The following BPIFB6 variants were observed in gnomAD, a reference collection of about 807,000 sequenced individuals.
BPIFB6 encodes BPI fold-containing family B member 6.
In BPIFB6, 47 loss-of-function variants were observed where a neutral mutation model predicts 54.7. That is an observed-to-expected ratio of 0.86 (90% confidence interval 0.68 to 1.10). The LOEUF (loss-of-function observed/expected upper bound fraction) is 1.10. BPIFB6 is among the 50% of genes least tolerant of loss of function. The probability of loss-of-function intolerance (pLI) is 0.00; values close to 1 mark genes in which losing one functional copy is unlikely to be tolerated. For synonymous variants in BPIFB6, 255 were observed against 225.9 expected (o/e 1.13, Z -1.16); for missense variants, 603 against 564.1 (o/e 1.07, Z -0.70).
chr20:33,035,946 C>A (rs906335849), intron 6 of BPIFB6, among the ~76,000 whole-genome samples: 10 of 152,130 alleles, frequency 6.6e-5, no homozygotes, highest in Non-Finnish European at 1.2e-4. Context: ...CGTCCACAAG[C>A]CTCGTGCCTA....
chr20:33,034,785 A>G lies in BPIFB6; in HGVS notation c.325A>G (p.Ile109Val), dbSNP rs965455280. The G allele has an allele frequency of 6.2e-7, 1 of 1,611,852 alleles. No homozygotes were observed. The highest frequency in any genetic ancestry group is 8.5e-7 in the Non-Finnish European group (1 of 1,178,360). ...CAGCTTCATGGGAGGGAACATGGAG[A>G]TCATCGTGGCCCTGAACATCACAGC... ...GKSFMGGNME[I>V]IVALNITATN... Residue 109 changes from isoleucine (I) to valine (V), a missense_variant, in exon 4 of 15, where the codon ATC becomes GTC. Coordinates refer to ENST00000349552, the MANE Select transcript of BPIFB6 (RefSeq NM_174897.2).
intron 3 of BPIFB6, 87 bp downstream of exon 3, chr20:33,034,377 T>TA (rs1387349452): frequency 4.2e-5 from 40 of 946,504 alleles, no homozygotes; most frequent in Non-Finnish European, 6.2e-5. Context: ...GCCTACTGTG[T>TA]ACCATCTGAG....
At chr20:33,040,900 T>C (rs1979552099) in intron 11 of BPIFB6, among the ~76,000 whole-genome samples, 1 of 152,184 alleles carries the variant, frequency 6.6e-6, no homozygotes, top group African/African-American at 2.4e-5. Context: ...TTCTTTCCGT[T>C]GCAAGAGAGA....
chr20:33,032,847 G>T, intron 1 of BPIFB6, 137 bp from the exon 2 acceptor site: 1 of 645,780 alleles, frequency 1.5e-6, no homozygotes, highest in Non-Finnish European at 2.8e-6. Flanking sequence ...CCCCCATTAG[G>T]CTGGGGCGCT....
intron 4 of BPIFB6, 83 bp from the exon 5 acceptor site, chr20:33,034,998 T>C: frequency 1.2e-6 from 2 of 1,608,792 alleles, no homozygotes; most frequent in Admixed American, 1.7e-5. Flanking sequence ...GGAACCCCCT[T>C]AACCATGCCC....
intron 12 of BPIFB6, among the ~76,000 whole-genome samples, chr20:33,042,503 A>T (rs2146369342): frequency 6.6e-6 from 1 of 152,342 alleles, no homozygotes; most frequent in Middle Eastern, 3.4e-3. Context: ...TGAGGGACTC[A>T]TCAAAGCTAC....
chr20:33,043,234 AC>A, intron 13 of BPIFB6, 56 bp from the exon 14 acceptor site: 1 of 1,491,952 alleles, frequency 6.7e-7, no homozygotes, highest in Non-Finnish European at 9.4e-7. Context: ...CCAGGCTGCC[AC>A]TCCTTAATCA....
Position 33,041,966 on chromosome 20 carries a change from A to G in BPIFB6, c.1143-4A>G. 3.1e-6 allele frequency: 5 copies of G among 1,613,412 alleles called. No individual in the cohort carries two copies. Among genetic ancestry groups the G allele is most frequent in the Non-Finnish European group, 4.2e-6 (5 of 1,179,792 alleles). ...GCCTGGCTTGCTTCCCCACTCCCCC[A>G]CAGATTACTGAGCTTGTCCCGGAAG... On this transcript the variant is annotated splice_polypyrimidine_tract_variant and splice_region_variant and intron_variant, in intron 11 of 14. Coordinates refer to ENST00000349552, the MANE Select transcript of BPIFB6 (RefSeq NM_174897.2).
At chr20:33,041,883 T>C in intron 11 of BPIFB6, 87 bp from the exon 12 acceptor site, 1 of 1,278,430 alleles carries the variant, frequency 7.8e-7, no homozygotes, top group Admixed American at 1.8e-5. Context: ...GTTGGGGTGC[T>C]TGGGACCCCC....
rs1396516992 is a variant in BPIFB6, at chr20:33,038,918, C to A, written c.856C>A (p.Leu286Met). 3 of 1,613,944 alleles carry A rather than the reference C, an allele frequency of 1.9e-6. No individual in the cohort carries two copies. The African/African-American group carries it at 4.0e-5, about 22-fold the overall frequency. Residue 286 changes from leucine to methionine, a missense_variant, in exon 9 of 15, where the codon CTG becomes ATG. Coordinates refer to ENST00000349552, the MANE Select transcript of BPIFB6 (RefSeq NM_174897.2). The part of the protein sequence containing the change: ...VNIQDTMIGE[L>M]PPQTTKTLAR... Reference sequence around the variant, plus strand: ...GACTTTTATTCTGTAGATTGGTGAGCTGCCCCCACAAACCACCAAGACCCT... The same window carrying A: ...GACTTTTATTCTGTAGATTGGTGAGATGCCCCCACAAACCACCAAGACCCT...
intron 5 of BPIFB6, 26 bp downstream of exon 5, chr20:33,035,170 C>G: frequency 6.2e-7 from 1 of 1,610,582 alleles, no homozygotes; most frequent in Non-Finnish European, 8.5e-7. Context: ...AAAGCCTCCA[C>G]CCCTCGTTGC....
At chr20:33,036,407 G>A (rs1979342741) in intron 6 of BPIFB6, 38 bp from the exon 7 acceptor site, 5 of 1,564,110 alleles carry the variant, frequency 3.2e-6, no homozygotes, top group African/African-American at 1.4e-5. Context: ...TGTTCCTGGG[G>A]TTGGTGCCTC....
rs1157907828 is a variant in BPIFB6, at chr20:33,040,430, G to A, written c.1142+112G>A. On this transcript the variant is annotated intron_variant, in intron 11 of 14. Coordinates refer to ENST00000349552, the MANE Select transcript of BPIFB6 (RefSeq NM_174897.2). Reference sequence around the variant, plus strand: ...CCACCCAGCACACCCCCAACTACCAGGCTGCTCTAGCTACTTTTCCTGCTC... The same window carrying A: ...CCACCCAGCACACCCCCAACTACCAAGCTGCTCTAGCTACTTTTCCTGCTC... The A allele has an allele frequency of 1.5e-5, 14 of 959,062 alleles. No homozygotes were observed. The African/African-American group carries it at 2.1e-4, about 14-fold the overall frequency. The allele number at this position is 959,062 out of a possible 1,614,324, so 59.4% of individuals were successfully genotyped here.
In BPIFB6 at chr20:33,034,207, G is replaced by T; in HGVS notation, c.219G>T (p.Gln73His). 8.1e-6 allele frequency: 13 copies of T among 1,614,072 alleles called. No homozygotes were observed. The highest frequency in any genetic ancestry group is 2.7e-5 in the African/African-American group (2 of 75,030). The change falls in exon 3 of 15, where the codon CAG becomes CAT. Residue 73 changes from glutamine (Q) to histidine (H), a missense_variant. Gln to His is a conservative substitution (Grantham distance 24, BLOSUM62 0). Transcript: ENST00000349552. ...CCAGTTTGAAGGTGAAGGATGTCCA[G>T]CTGCCCGTCATCACACTGAACTTTG... ...GITNLKVKDV[Q>H]LPVITLNFVP...
In BPIFB6 at chr20:33,036,509, A is replaced by G. The variant is rs757100071; in HGVS notation, c.642A>G (p.Thr214=). 6.2e-7 allele frequency: 1 copy of G among 1,614,208 alleles called. No individual in the cohort carries two copies. The highest frequency in any genetic ancestry group is 1.1e-5 in the South Asian group (1 of 91,080). ...KYVLMSAPAT[T]ASYIQLDFSP... ...TTCTGATGTCCGCACCAGCCACCAC[A>G]GCCAGCTACATCCAACTGGACTTCA... The change falls in exon 7 of 15, where the codon ACA becomes ACG. Residue 214 remains threonine (T), a synonymous_variant. Coordinates refer to ENST00000349552, the MANE Select transcript of BPIFB6 (RefSeq NM_174897.2).
intron 14 of BPIFB6, 137 bp from the exon 15 acceptor site, chr20:33,043,878 C>A: frequency 9.0e-7 from 1 of 1,112,318 alleles, no homozygotes; most frequent in South Asian, 1.3e-5. Flanking sequence ...TCTCCAGGGT[C>A]ACAAGGCAAG....
rs1285713920 is a variant in BPIFB6, at chr20:33,032,962, CAACT to C, written c.98-19_98-16del. ...GTGATTGGCCCAGGGAAAATCTCTCCAACTAAGTGTCTCCACTCCAGAGGTCCAG... is the reference window on the plus strand; with the variant it reads ...GTGATTGGCCCAGGGAAAATCTCTCCAAGTGTCTCCACTCCAGAGGTCCAG... On this transcript the variant is annotated intron_variant, in intron 1 of 14. Coordinates refer to ENST00000349552, the MANE Select transcript of BPIFB6 (RefSeq NM_174897.2). 1 of 1,596,226 alleles carries C rather than the reference CAACT, an allele frequency of 6.3e-7. No individual in the cohort carries two copies. The highest frequency in any genetic ancestry group is 2.2e-5 in the East Asian group (1 of 44,750).
intron 8 of BPIFB6, among the ~76,000 whole-genome samples, 178 bp from the exon 9 acceptor site, chr20:33,038,731 A>G (rs1979448292): frequency 6.6e-6 from 1 of 152,216 alleles, no homozygotes; most frequent in Non-Finnish European, 1.5e-5. Flanking sequence ...ATGAGCATTG[A>G]AATGTGTAAG....
chr20:33,042,850 C>T lies in BPIFB6; in HGVS notation c.1224C>T (p.Leu408=), dbSNP rs531267438. The T allele has an allele frequency of 3.2e-5, 52 of 1,614,054 alleles. No individual in the cohort carries two copies. Among genetic ancestry groups the T allele is most frequent in the Middle Eastern group, 1.6e-4 (1 of 6,084 alleles). The change falls in exon 13 of 15, where the codon CTC becomes CTT. Residue 408 remains leucine (L), a synonymous_variant. Transcript: ENST00000349552. The stretch of plus-strand genomic sequence containing the variant: ...TAACTGGCTTCATCACCAGCTATCT[C>T]GAAGAAGCCTACATCCCAGTTGTCA... ...RELTGFITSY[L]EEAYIPVVND... is the part of the protein sequence containing the mutation.
Sources: allele counts gnomAD v4.1 joint callset (sites outside exome capture counted in the v4.1 genomes callset), GRCh38; gene constraint gnomAD v4.1.1; transcripts MANE v1.5; gene names NCBI Gene and HGNC (gene_info 2026-07-23, HGNC 2026-07-21).